PCDHGA10: variants seen among roughly 807,000 people sequenced by gnomAD.
The protein encoded by PCDHGA10 is protocadherin gamma subfamily A, 10.
PCDHGA10 carries 42 observed loss-of-function variants against 59.5 expected under a neutral mutation model. That is an observed-to-expected ratio of 0.71 (90% CI 0.55 to 0.91). PCDHGA10 has a LOEUF of 0.91. Ranked by LOEUF, PCDHGA10 falls within the 40% of genes least tolerant of loss-of-function variation. The pLI is 0.00. For synonymous variants in PCDHGA10, 511 were observed against 517.2 expected (o/e 0.99, Z 0.16); for missense variants, 1,111 against 1,198.2 (o/e 0.93, Z 1.07).
intron 1 of PCDHGA10, chr5:141,419,137 C>CAGGG: frequency 6.2e-7 from 1 of 1,613,892 alleles, no homozygotes; most frequent in Non-Finnish European, 8.5e-7. Context: ...CAGCCACAGA[C>CAGGG]AGGGGCAAGC....
intron 1 of PCDHGA10, among the ~76,000 whole-genome samples, chr5:141,479,914 G>T (rs2099509746): frequency 6.6e-6 from 1 of 152,148 alleles, no homozygotes; most frequent in South Asian, 2.1e-4. Context: ...CTGTTATTTT[G>T]TTACTCAGTG....
intron 1 of PCDHGA10, among the ~76,000 whole-genome samples, chr5:141,482,554 A>T (rs997707871): frequency 4.1e-5 from 6 of 146,884 alleles, no homozygotes; most frequent in Non-Finnish European, 6.0e-5. Flanking sequence ...AAAAAAGATA[A>T]TGGAGATCTG....
intron 1 of PCDHGA10, 161 bp downstream of exon 1, chr5:141,415,772 T>TTA: frequency 7.5e-7 from 1 of 1,332,978 alleles, no homozygotes; most frequent in Non-Finnish European, 9.6e-7. Flanking sequence ...TTTTTTTTTT[T>TTA]ACTTTCTGGT....
chr5:141,506,228 A>T (rs538354130), intron 3 of PCDHGA10, among the ~76,000 whole-genome samples: 1 of 152,266 alleles, frequency 6.6e-6, no homozygotes, highest in East Asian at 1.9e-4. Context: ...AGGCAGGAGG[A>T]TCATGAGGTC....
intron 1 of PCDHGA10, among the ~76,000 whole-genome samples, chr5:141,469,340 G>A (rs1412181099): frequency 6.6e-6 from 1 of 152,138 alleles, no homozygotes; most frequent in Non-Finnish European, 1.5e-5. Context: ...ACTTTGGGAG[G>A]CTGAGGTGGA....
In PCDHGA10 at chr5:141,485,624, C is replaced by T; in HGVS notation, c.2437-9183C>T. 1 of 1,611,640 alleles carries T rather than the reference C, an allele frequency of 6.2e-7. No homozygotes were observed. The highest frequency in any genetic ancestry group is 1.1e-5 in the South Asian group (1 of 90,868). The stretch of plus-strand genomic sequence containing the variant: ...TGGGGAGGCAGCTCCTCCAGGACAG[C>T]GTTTCCCGTTGGAAAAGGCTCAGGA... On this transcript the variant is annotated intron_variant, in intron 1 of 3. Transcript: ENST00000398610. This position sits in a 1 kb window ranked among gnomAD's most constrained non-coding sequence, Gnocchi z 5.7.
chr5:141,499,689 CTTTTTTTT>C (rs545067566), intron 2 of PCDHGA10, among the ~76,000 whole-genome samples: 2 of 119,856 alleles, frequency 1.7e-5, no homozygotes, highest in Non-Finnish European at 3.5e-5. Flanking sequence ...TAACAGATGA[CTTTTTTTT>C]TTTTTTTTTT....
rs758578821 is a variant in PCDHGA10 at position 141,486,659 on chromosome 5, G to C, written c.2437-8148G>C. The C allele has an allele frequency of 6.8e-6, 11 of 1,613,944 alleles. No individual in the cohort carries two copies. The highest frequency in any genetic ancestry group is 8.5e-6 in the Non-Finnish European group (10 of 1,180,026). On this transcript the variant is annotated intron_variant, in intron 1 of 3. Coordinates refer to ENST00000398610, the MANE Select transcript of PCDHGA10 (RefSeq NM_018913.3). The surrounding 1 kb of genome is among the most constrained non-coding windows in gnomAD (Gnocchi z 5.0). ...TGCGCTTATCTCCTACTCACTCCTGGAGCCCAGGAATCGAGATGTATCAGC... is the reference window on the plus strand; with the variant it reads ...TGCGCTTATCTCCTACTCACTCCTGCAGCCCAGGAATCGAGATGTATCAGC...
chr5:141,452,968 A>G (rs1028716079), intron 1 of PCDHGA10, among the ~76,000 whole-genome samples: 3 of 152,210 alleles, frequency 2.0e-5, no homozygotes, highest in Non-Finnish European at 4.4e-5. Flanking sequence ...AACTGAGGGT[A>G]TATTGTCAAA....
In PCDHGA10 at chr5:141,487,906, AGCACAGGAGGCTACAGT is replaced by A. The variant is rs2099668744; in HGVS notation, c.2437-6893_2437-6877del. ...TGGAAGCATGATGATGGAATGTGGG[AGCACAGGAGGCTACAGT>A]GCACAGGGTACAGTGCACCAGGCAG... On this transcript the variant is annotated intron_variant, in intron 1 of 3. Coordinates refer to ENST00000398610, the MANE Select transcript of PCDHGA10 (RefSeq NM_018913.3). The surrounding 1 kb of genome is among the most constrained non-coding windows in gnomAD (Gnocchi z 5.0). The A allele has an allele frequency of 8.7e-6, 6 of 686,524 alleles. No homozygotes were observed. The East Asian group carries it at 1.6e-4, about 19-fold the overall frequency. The allele number at this position is 686,524 out of a possible 1,614,324, so 42.5% of individuals were successfully genotyped here.
At chr5:141,469,629 C>T (rs933972587) in intron 1 of PCDHGA10, among the ~76,000 whole-genome samples, 1 of 152,070 alleles carries the variant, frequency 6.6e-6, no homozygotes, top group Admixed American at 6.6e-5. Context: ...GTTTGTAGTT[C>T]CAAAATATTT....
At chr5:141,441,932 C>A in intron 1 of PCDHGA10, 1 of 347,904 alleles carries the variant, frequency 2.9e-6, no homozygotes. Flanking sequence ...GCGTGGCTGT[C>A]CTACCACGTG....
rs143638501 is a variant in PCDHGA10, at chr5:141,486,817, T to C, written c.2437-7990T>C. On this transcript the variant is annotated intron_variant, in intron 1 of 3. Coordinates refer to ENST00000398610, the MANE Select transcript of PCDHGA10 (RefSeq NM_018913.3). This position sits in a 1 kb window ranked among gnomAD's most constrained non-coding sequence, Gnocchi z 5.0. ...GGGGCAACCCACCCCTTAGCAGCACTGTAACAGTTCGTCTATTTGTGCTGG... is the reference window on the plus strand; with the variant it reads ...GGGGCAACCCACCCCTTAGCAGCACCGTAACAGTTCGTCTATTTGTGCTGG... 153 of 1,614,220 alleles carry C rather than the reference T, an allele frequency of 9.5e-5. 1 individual carries two copies. In the African/African-American group the frequency reaches 1.4e-3, roughly 15 times the overall value.
intron 1 of PCDHGA10, chr5:141,417,894 G>A (rs751319373): frequency 1.3e-5 from 21 of 1,573,688 alleles, no homozygotes; most frequent in African/African-American, 2.7e-5. Context: ...CGCCGGGCCG[G>A]CCCGCGGCAG....
Position 141,511,628 on chromosome 5 carries a change from G to C in PCDHGA10, c.*455G>C, listed in dbSNP as rs4912608. 0.2 allele frequency: 46,780 copies of C among 231,598 alleles called. 5,185 individuals are homozygous for C. The highest frequency in any genetic ancestry group is 0.32 in the Admixed American group (6,204 of 19,590). The allele number at this position is 231,598 out of a possible 1,614,324, so 14.3% of individuals were successfully genotyped here. A position where few individuals can be genotyped will look rare whatever the true frequency, so the allele number is the denominator to read the frequency against. On this transcript the variant is annotated 3_prime_UTR_variant, in exon 4 of 4. Transcript: ENST00000398610. ...CAAGCCTCCTAGTTCTGAAAAGTTG[G>C]AAGGGCATCATGACCTCTTGGCCTC...
intron 1 of PCDHGA10, chr5:141,478,686 GA>G (rs2099472024): frequency 6.4e-7 from 1 of 1,551,134 alleles, no homozygotes; most frequent in South Asian, 1.2e-5. Context: ...GCCCTTCCTA[GA>G]TCAAAGTTAG....
At chr5:141,508,029 A>C (rs941166006) in intron 3 of PCDHGA10, 10 of 152,264 alleles carry the variant, frequency 6.6e-5, no homozygotes, top group African/African-American at 2.4e-4. Flanking sequence ...TGCGGTTTGC[A>C]GCTCAGCCAG....
rs1232672788 is a variant in PCDHGA10, at chr5:141,431,315, G to A, written c.2436+15704G>A. The A allele has an allele frequency of 6.2e-7, 1 of 1,614,080 alleles. No individual in the cohort carries two copies. Among genetic ancestry groups the A allele is most frequent in the South Asian group, 1.1e-5 (1 of 91,078 alleles). On this transcript the variant is annotated intron_variant, in intron 1 of 3. Coordinates refer to ENST00000398610, the MANE Select transcript of PCDHGA10 (RefSeq NM_018913.3). The surrounding 1 kb of genome is among the most constrained non-coding windows in gnomAD (Gnocchi z 4.8). ...CTTCTCCCTCATCGTGCAAAATGGAGCCGACGGTAGTAAGTACCCCGAATT... is the reference window on the plus strand; with the variant it reads ...CTTCTCCCTCATCGTGCAAAATGGAACCGACGGTAGTAAGTACCCCGAATT...
At chr5:141,480,745 C>T (rs528415324) in intron 1 of PCDHGA10, among the ~76,000 whole-genome samples, 1 of 152,278 alleles carries the variant, frequency 6.6e-6, no homozygotes, top group Non-Finnish European at 1.5e-5. Flanking sequence ...ACATAGGCAT[C>T]ATTTTTTGAA....
Sources: allele counts gnomAD v4.1 joint callset (sites outside exome capture counted in the v4.1 genomes callset), GRCh38; gene constraint gnomAD v4.1.1; non-coding constraint Gnocchi (gnomAD v3.1); transcripts MANE v1.5; gene names NCBI Gene and HGNC (gene_info 2026-07-23, HGNC 2026-07-21).